CHST15: variants seen among roughly 807,000 people sequenced by gnomAD.
CHST15 encodes B cell RAG associated protein (GALNAC4S-6ST).
CHST15 carries 30 observed loss-of-function variants against 53.6 expected under a neutral mutation model. The observed-to-expected ratio is 0.56, with a 90% CI of 0.42 to 0.76. The LOEUF is 0.76. Ranked by LOEUF, CHST15 falls within the 30% of genes least tolerant of loss-of-function variation. The pLI is 0.00. For missense variants in CHST15, 627 were observed against 740.5 expected (o/e 0.85, Z 1.78); for synonymous variants, 296 against 289.8 (o/e 1.02, Z -0.22).
At chr10:124,056,405 C>T (rs937054290) in intron 1 of CHST15, among the ~76,000 whole-genome samples, 2 of 152,206 alleles carry the variant, frequency 1.3e-5, no homozygotes, top group Non-Finnish European at 1.5e-5. Context: ...TAACCTGTCT[C>T]AATTCAGACT....
intron 1 of CHST15, among the ~76,000 whole-genome samples, chr10:124,053,760 A>G (rs989743607): frequency 6.6e-6 from 1 of 152,128 alleles, no homozygotes; most frequent in Non-Finnish European, 1.5e-5. Context: ...TCCACAAAAA[A>G]TACAAAAATT....
chr10:124,031,927 CCAGA>C (rs1444008192), intron 5 of CHST15, among the ~76,000 whole-genome samples: 1 of 152,098 alleles, frequency 6.6e-6, no homozygotes, highest in Non-Finnish European at 1.5e-5. Context: ...GGTACACCTC[CCAGA>C]CACTCAGCGG....
At chr10:124,089,374 C>T (rs1949533942) in intron 1 of CHST15, among the ~76,000 whole-genome samples, 1 of 152,206 alleles carries the variant, frequency 6.6e-6, no homozygotes, top group Admixed American at 6.5e-5. Flanking sequence ...TCTCTGCAAT[C>T]CTGGGCCTGC....
rs572572848 is a variant in CHST15 at position 124,009,234 on chromosome 10, A to G, written c.*915T>C. The G allele has an allele frequency of 3.0e-5, 33 of 1,117,656 alleles. No individual in the cohort carries two copies. In the South Asian group the frequency reaches 6.2e-4, roughly 21 times the overall value. The allele number at this position is 1,117,656 out of a possible 1,614,324, so 69.2% of individuals were successfully genotyped here. Reference sequence around the variant, plus strand: ...ACCTAGATTTTCCAAGAAGTGTTCAATTCCTTGAGGTTGCTCATTCTGGCA... The same window carrying G: ...ACCTAGATTTTCCAAGAAGTGTTCAGTTCCTTGAGGTTGCTCATTCTGGCA... On this transcript the variant is annotated 3_prime_UTR_variant, in exon 8 of 8. Coordinates refer to ENST00000435907, the MANE Select transcript of CHST15 (RefSeq NM_001270764.2).
At chr10:124,058,485 C>G (rs1024985220) in intron 1 of CHST15, among the ~76,000 whole-genome samples, 1 of 152,180 alleles carries the variant, frequency 6.6e-6, no homozygotes, top group African/African-American at 2.4e-5. Context: ...AGTGGTGGGG[C>G]CAAAATCCAA....
chr10:124,056,388 T>C (rs1398214425), intron 1 of CHST15, among the ~76,000 whole-genome samples: 2 of 152,184 alleles, frequency 1.3e-5, no homozygotes, highest in East Asian at 3.9e-4. Context: ...CCTGGGGCAT[T>C]GAGTCTTAAC....
Position 124,044,820 on chromosome 10 carries a change from T to C in CHST15, c.646A>G (p.Asn216Asp). The change falls in exon 3 of 8, where the codon AAC becomes GAC. Residue 216 changes from asparagine (N) to aspartate (D), a missense_variant. Asn to Asp is a conservative substitution (Grantham distance 23). Transcript: ENST00000435907. The stretch of plus-strand genomic sequence containing the variant: ...CGCTTGGAGTAGAGCACGTAGGAGT[T>C]GGTGAGGTAGGGGTCGGTGGTGTTC... ...GQNTTDPYLT[N>D]SYVLYSKRFR... The C allele has an allele frequency of 6.3e-7, 1 of 1,585,072 alleles. No individual in the cohort carries two copies. The highest frequency in any genetic ancestry group is 8.6e-7 in the Non-Finnish European group (1 of 1,163,096).
Position 124,074,887 on chromosome 10 carries a change from G to A in CHST15, c.-513+18582C>T, listed in dbSNP as rs1949023561. 1.3e-5 allele frequency among the ~76,000 whole-genome samples: 2 copies of A among 152,304 alleles called. No individual in the cohort carries two copies. Among genetic ancestry groups the A allele is most frequent in the South Asian group, 4.1e-4 (2 of 4,824 alleles). On this transcript the variant is annotated intron_variant, in intron 1 of 7. Transcript: ENST00000435907. This position sits in a 1 kb window ranked among gnomAD's most constrained non-coding sequence, Gnocchi z 4.4. The stretch of plus-strand genomic sequence containing the variant: ...GAATGCGGCTGTGCTAGGCAGTGGG[G>A]TGCAGTGTGTGGACAAGACAGACAG...
At chr10:124,053,456 C>T (rs1459760903) in intron 1 of CHST15, among the ~76,000 whole-genome samples, 1 of 152,116 alleles carries the variant, frequency 6.6e-6, no homozygotes, top group Non-Finnish European at 1.5e-5. Context: ...CAGCCAATTC[C>T]TAAAGACACC....
At chr10:124,082,040 A>C (rs1451501340) in intron 1 of CHST15, among the ~76,000 whole-genome samples, 1 of 152,172 alleles carries the variant, frequency 6.6e-6, no homozygotes, top group Non-Finnish European at 1.5e-5. Context: ...TGCTGTTCTT[A>C]TTCGGCCGCT....
intron 1 of CHST15, among the ~76,000 whole-genome samples, chr10:124,068,053 T>C (rs1948802179): frequency 6.6e-6 from 1 of 152,208 alleles, no homozygotes; most frequent in Non-Finnish European, 1.5e-5. Flanking sequence ...TACCAGAAAC[T>C]TTGCCTTAAT....
chr10:124,078,975 G>C (rs571041724), intron 1 of CHST15, among the ~76,000 whole-genome samples: 1 of 152,126 alleles, frequency 6.6e-6, no homozygotes, highest in Admixed American at 6.5e-5. Flanking sequence ...AAAAGTATGA[G>C]GCAGCATATA....
chr10:124,077,741 C>T (rs933808831), intron 1 of CHST15, among the ~76,000 whole-genome samples: 5 of 152,190 alleles, frequency 3.3e-5, no homozygotes, highest in African/African-American at 1.2e-4. Context: ...CATCTCGTTC[C>T]GGTGGCATCT....
chr10:124,092,732 A>G (rs1395827434), intron 1 of CHST15, among the ~76,000 whole-genome samples: 2 of 152,070 alleles, frequency 1.3e-5, no homozygotes, highest in African/African-American at 4.8e-5. Context: ...GCGCCTGGAA[A>G]CTTCCCCAAA....
intron 5 of CHST15, among the ~76,000 whole-genome samples, chr10:124,023,988 C>T (rs1402741195): frequency 9.2e-5 from 14 of 152,056 alleles, no homozygotes; most frequent in Admixed American, 7.2e-4. Flanking sequence ...GAATTATAGG[C>T]GCCTGCCATC....
At chr10:124,061,339 G>C (rs1305941416) in intron 1 of CHST15, among the ~76,000 whole-genome samples, 1 of 152,194 alleles carries the variant, frequency 6.6e-6, no homozygotes, top group Non-Finnish European at 1.5e-5. Flanking sequence ...AAATAAGCAC[G>C]AGATCTGATG....
intron 5 of CHST15, among the ~76,000 whole-genome samples, chr10:124,035,317 A>C (rs925779285): frequency 0.031 from 921 of 30,050 alleles, no homozygotes; most frequent in African/African-American, 0.035. Context: ...GGCTCCACCC[A>C]CTAACAGGGA....
Position 124,050,521 on chromosome 10 carries a change from C to A in CHST15, c.-512-3797G>T, listed in dbSNP as rs1336650422. The stretch of plus-strand genomic sequence containing the variant: ...GTAGGATGCTTAGCAGCACCCTGGC[C>A]CCCACCCACTGGATGCCATAGCACC... On this transcript the variant is annotated intron_variant, in intron 1 of 7. Transcript: ENST00000435907. Among the ~76,000 whole-genome samples the A allele has an allele frequency of 2.0e-5, 3 of 152,298 alleles. No homozygotes were observed. The East Asian group carries it at 5.8e-4, about 29-fold the overall frequency.
At chr10:124,035,384 T>C (rs1328619419) in intron 5 of CHST15, among the ~76,000 whole-genome samples, 3 of 145,824 alleles carry the variant, frequency 2.1e-5, no homozygotes, top group Admixed American at 6.8e-5. Context: ...GGACCCTGGC[T>C]CCGCCCCCTA....
Sources: allele counts gnomAD v4.1 joint callset (sites outside exome capture counted in the v4.1 genomes callset), GRCh38; gene constraint gnomAD v4.1.1; non-coding constraint Gnocchi (gnomAD v3.1); transcripts MANE v1.5; gene names NCBI Gene and HGNC (gene_info 2026-07-23, HGNC 2026-07-21).